ARPC5: variants seen among roughly 807,000 people sequenced by gnomAD.
ARPC5 encodes the protein actin-related protein 2/3 complex subunit 5.
ARPC5 carries 5 observed loss-of-function variants against 15.4 expected under a neutral mutation model. That is an observed-to-expected ratio of 0.32 (90% confidence interval 0.17 to 0.68). The LOEUF (loss-of-function observed/expected upper bound fraction) is 0.68, where lower values mean the gene tolerates loss of function less well. Ranked by LOEUF, ARPC5 falls within the 30% of genes least tolerant of loss-of-function variation. ARPC5 has a pLI of 0.71. For missense variants in ARPC5, 138 were observed against 192.8 expected (o/e 0.72, Z 1.68); for synonymous variants, 85 against 72.2 (o/e 1.18, Z -0.90).
At position 183,630,503 on chromosome 1, in the gene ARPC5, C is replaced by T. The variant is rs2231240; in HGVS notation, c.351G>A (p.Pro117=). Residue 117 remains proline (P), a synonymous_variant, in exon 3 of 4, where the codon CCG becomes CCA. Coordinates refer to ENST00000359856, the MANE Select transcript of ARPC5 (RefSeq NM_005717.4). Reference sequence around the variant, plus strand: ...GTAACATAGCACTGCTATTGTCAGACGGGCTCTCAAATCCTTTATAAATAT... The same window carrying T: ...GTAACATAGCACTGCTATTGTCAGATGGGCTCTCAAATCCTTTATAAATAT... The part of the protein sequence containing the change: ...MKYIYKGFES[P]SDNSSAMLLQ... 0.04 allele frequency: 64,380 copies of T among 1,613,282 alleles called. 2,604 individuals carry two copies. The highest frequency in any genetic ancestry group is 0.21 in the African/African-American group (15,436 of 74,956).
intron 1 of ARPC5, chr1:183,633,742 TTAGA>T (rs1338928295): frequency 6.7e-6 from 1 of 149,828 alleles, no homozygotes; most frequent in Admixed American, 6.6e-5. Context: ...ATTTTTTGCT[TTAGA>T]TATTTTCTCT....
intron 2 of ARPC5, chr1:183,632,472 T>C (rs1015484740): frequency 1.3e-5 from 2 of 152,224 alleles, no homozygotes; most frequent in East Asian, 1.9e-4. Flanking sequence ...AAAAGATTAG[T>C]TATGTATACA....
intron 3 of ARPC5, among the ~76,000 whole-genome samples, chr1:183,627,973 A>G (rs1649155306): frequency 6.6e-6 from 1 of 152,044 alleles, no homozygotes; most frequent in Non-Finnish European, 1.5e-5. Context: ...GGAGATCAAG[A>G]CCATCCTGGC....
chr1:183,634,624 C>A (rs755362802), intron 1 of ARPC5, among the ~76,000 whole-genome samples: 4 of 152,108 alleles, frequency 2.6e-5, no homozygotes, highest in Non-Finnish European at 5.9e-5. Context: ...AAACAGAAAC[C>A]GGGAACTGAC....
chr1:183,628,172 C>CAAAAAA lies in ARPC5; in HGVS notation c.394-584_394-579dup, dbSNP rs3068220. Among the ~76,000 whole-genome samples, 122 of 46,054 alleles carry CAAAAAA rather than the reference C, an allele frequency of 2.6e-3. 10 individuals are homozygous for CAAAAAA. The highest frequency in any genetic ancestry group is 0.01 in the East Asian group (13 of 1,250). The allele number at this position is 46,054 out of a possible 152,430, so 30.2% of individuals were successfully genotyped here. ...TGGGCGACAGAGCAAGACTCCGTCT[C>CAAAAAA]AAAAAAAAAAAAAAAAAAAAAAAAA... On this transcript the variant is annotated intron_variant, in intron 3 of 3. Coordinates refer to ENST00000359856, the MANE Select transcript of ARPC5 (RefSeq NM_005717.4).
Position 183,623,235 on chromosome 1 carries a change from C to A in ARPC5, c.*4297G>T. 1 of 615,972 alleles carries A rather than the reference C, an allele frequency of 1.6e-6. No individual in the cohort carries two copies. The highest frequency in any genetic ancestry group is 2.8e-6 in the Non-Finnish European group (1 of 352,874). The allele number at this position is 615,972 out of a possible 1,614,324, so 38.2% of individuals were successfully genotyped here. ...TTCATGTGGTGTGGATTCTAGGGAA[C>A]TGTTTCAGAGAGAAATAAGAGATGT... On this transcript the variant is annotated 3_prime_UTR_variant, in exon 4 of 4. Coordinates refer to ENST00000359856, the MANE Select transcript of ARPC5 (RefSeq NM_005717.4).
chr1:183,628,041 C>A (rs1347503929), intron 3 of ARPC5, among the ~76,000 whole-genome samples: 1 of 151,694 alleles, frequency 6.6e-6, no homozygotes, highest in Non-Finnish European at 1.5e-5. Flanking sequence ...GGCGTGGTGG[C>A]GGGTGCCTGT....
In ARPC5 at chr1:183,627,246, A is replaced by G. The variant is rs1206358404; in HGVS notation, c.*286T>C. ...GCCAACAGGGGTTAAAAGTTGCACAATTAAACTTGAATGTAAATTATACTA... is the reference window on the plus strand; with the variant it reads ...GCCAACAGGGGTTAAAAGTTGCACAGTTAAACTTGAATGTAAATTATACTA... On this transcript the variant is annotated 3_prime_UTR_variant, in exon 4 of 4. Coordinates refer to ENST00000359856, the MANE Select transcript of ARPC5 (RefSeq NM_005717.4). 1 of 291,656 alleles carries G rather than the reference A, an allele frequency of 3.4e-6. No homozygotes were observed. The highest frequency in any genetic ancestry group is 6.4e-5 in the East Asian group (1 of 15,618). The allele number at this position is 291,656 out of a possible 1,614,324, so 18.1% of individuals were successfully genotyped here. A position where few individuals can be genotyped will look rare whatever the true frequency, so the allele number is the denominator to read the frequency against.
rs567921856 is a variant in ARPC5, at chr1:183,621,184, G to A, written c.*6348C>T. On this transcript the variant is annotated 3_prime_UTR_variant, in exon 4 of 4. Transcript: ENST00000359856. ...TGGGAAAACATGCATTCTTCTACAC[G>A]GCTGGAGAAAGTATAATTGATAAAA... 1.3e-5 allele frequency: 2 copies of A among 152,246 alleles called. No individual in the cohort carries two copies. Among genetic ancestry groups the A allele is most frequent in the African/African-American group, 2.4e-5 (1 of 41,558 alleles). 9.4% of individuals were successfully genotyped at this position (152,246 alleles called of 1,614,324 possible).
At position 183,633,226 on chromosome 1, in the gene ARPC5, C is replaced by T. The variant is rs1649319085; in HGVS notation, c.144-72G>A. 2.9e-6 allele frequency: 3 copies of T among 1,042,728 alleles called. No individual in the cohort carries two copies. In the African/African-American group the frequency reaches 5.1e-5, roughly 18 times the overall value. The allele number at this position is 1,042,728 out of a possible 1,614,324, so 64.6% of individuals were successfully genotyped here. ...GCATTATAACCACTGGTTCTTATGACTTGATTTACATATAAAAAGAAAATT... is the reference window on the plus strand; with the variant it reads ...GCATTATAACCACTGGTTCTTATGATTTGATTTACATATAAAAAGAAAATT... On this transcript the variant is annotated intron_variant, in intron 1 of 3. Coordinates refer to ENST00000359856, the MANE Select transcript of ARPC5 (RefSeq NM_005717.4).
At chr1:183,630,255 A>G (rs1014405265) in intron 3 of ARPC5, 4 of 413,340 alleles carry the variant, frequency 9.7e-6, no homozygotes, top group Non-Finnish European at 8.5e-6. Flanking sequence ...ACTAATAATC[A>G]TTGTTGAATA....
rs1649045771 is a variant in ARPC5, at chr1:183,624,762, T to C, written c.*2770A>G. On this transcript the variant is annotated 3_prime_UTR_variant, in exon 4 of 4. Coordinates refer to ENST00000359856, the MANE Select transcript of ARPC5 (RefSeq NM_005717.4). ...ATTTACAGTCAAATGCTAAATTGTA[T>C]GACGTTAATTCTCTTTTTTTTTGTA... 6.6e-6 allele frequency: 1 copy of C among 152,214 alleles called. No homozygotes were observed. Among genetic ancestry groups the C allele is most frequent in the African/African-American group, 2.4e-5 (1 of 41,454 alleles). 9.4% of individuals were successfully genotyped at this position (152,214 alleles called of 1,614,324 possible).
At chr1:183,635,130 C>T (rs2101960738) in intron 1 of ARPC5, among the ~76,000 whole-genome samples, 1 of 152,310 alleles carries the variant, frequency 6.6e-6, no homozygotes, top group Middle Eastern at 3.4e-3. Flanking sequence ...AATCAGAGTT[C>T]TAGGAAGAAA....
chr1:183,624,081 A>G lies in ARPC5; in HGVS notation c.*3451T>C, dbSNP rs1649014799. The G allele has an allele frequency of 6.6e-6, 1 of 152,528 alleles. No individual in the cohort carries two copies. The highest frequency in any genetic ancestry group is 2.1e-4 in the South Asian group (1 of 4,842). 9.4% of individuals were successfully genotyped at this position (152,528 alleles called of 1,614,324 possible). On this transcript the variant is annotated 3_prime_UTR_variant, in exon 4 of 4. Coordinates refer to ENST00000359856, the MANE Select transcript of ARPC5 (RefSeq NM_005717.4). Reference sequence around the variant, plus strand: ...TTACCTTTATACATGGGGTTAAACTAAGTGATCATCAATGTCTATTTCAGC... The same window carrying G: ...TTACCTTTATACATGGGGTTAAACTGAGTGATCATCAATGTCTATTTCAGC...
chr1:183,631,738 A>G (rs908174364), intron 2 of ARPC5: 2 of 152,250 alleles, frequency 1.3e-5, no homozygotes, highest in Non-Finnish European at 2.9e-5. Flanking sequence ...ACTGTAATTT[A>G]TATGAATTGA....
chr1:183,631,993 C>T (rs1028078020), intron 2 of ARPC5: 1 of 152,112 alleles, frequency 6.6e-6, no homozygotes, highest in African/African-American at 2.4e-5. Context: ...ACTGCAATTA[C>T]CAGATTTAGA....
rs998045647 is a variant in ARPC5, at chr1:183,626,540, G to A, written c.*992C>T. The A allele has an allele frequency of 1.3e-5, 2 of 152,634 alleles. No individual in the cohort carries two copies. Among genetic ancestry groups the A allele is most frequent in the Non-Finnish European group, 2.9e-5 (2 of 68,038 alleles). 9.5% of individuals were successfully genotyped at this position (152,634 alleles called of 1,614,324 possible). The stretch of plus-strand genomic sequence containing the variant: ...AAAACACTGAGCTAAAACACAGAAT[G>A]TGTATTTGTTTGGATCTGAACCAAA... On this transcript the variant is annotated 3_prime_UTR_variant, in exon 4 of 4. Transcript: ENST00000359856.
rs1351315839 is a variant in ARPC5 at position 183,625,133 on chromosome 1, A to T, written c.*2399T>A. 4 of 152,226 alleles carry T rather than the reference A, an allele frequency of 2.6e-5. No individual in the cohort carries two copies. The highest frequency in any genetic ancestry group is 9.6e-5 in the African/African-American group (4 of 41,452). 9.4% of individuals were successfully genotyped at this position (152,226 alleles called of 1,614,324 possible). On this transcript the variant is annotated 3_prime_UTR_variant, in exon 4 of 4. Transcript: ENST00000359856. ...GATTAAAGGAGGAGAATGGGAGGTAAACAACTACTTTTGTGCTAAAAGTGT... is the reference window on the plus strand; with the variant it reads ...GATTAAAGGAGGAGAATGGGAGGTATACAACTACTTTTGTGCTAAAAGTGT...
At chr1:183,631,524 G>C (rs2101956774) in intron 2 of ARPC5, 1 of 143,490 alleles carries the variant, frequency 7.0e-6, no homozygotes, top group South Asian at 2.2e-4. Flanking sequence ...AGGGTGCAGT[G>C]AGTTGAGATT....
Sources: gnomAD v4.1 joint callset for allele counts (sites outside exome capture counted in the v4.1 genomes callset) on GRCh38, gnomAD v4.1.1 for gene constraint, MANE v1.5 for transcripts, NCBI Gene and HGNC (gene_info 2026-07-23, HGNC 2026-07-21) for gene names.